The following KLHL31 variants were observed in gnomAD, a reference collection of about 807,000 sequenced individuals.
KLHL31 encodes the protein kelch like family member 31.
Under a neutral mutation model 47.1 loss-of-function variants are expected in KLHL31, and 32 were observed. The ratio of observed to expected loss-of-function variants is 0.68; its 90% CI spans 0.51 to 0.91. The LOEUF is 0.91. Ranked by LOEUF, KLHL31 falls within the 40% of genes least tolerant of loss-of-function variation. The pLI is 0.00. For missense variants in KLHL31, 797 were observed against 819.3 expected (o/e 0.97, Z 0.33); for synonymous variants, 330 against 325.1 (o/e 1.01, Z -0.16).
In KLHL31 at chr6:53,651,411, A is replaced by AAAAAAAAAAAAAAAAAAG; in HGVS notation, c.*186_*187insCTTTTTTTTTTTTTTTTT. ...CCCTGTATTTTGCTAAAAAAAAAAA[A>AAAAAAAAAAAAAAAAAAG]AAAAAAAAGAGGTAGATTATGCCAT... On this transcript the variant is annotated 3_prime_UTR_variant, in exon 3 of 3. Coordinates refer to ENST00000370905, the MANE Select transcript of KLHL31 (RefSeq NM_001003760.5). The AAAAAAAAAAAAAAAAAAG allele has an allele frequency of 3.5e-6, 1 of 286,158 alleles. No homozygotes were observed. Among genetic ancestry groups the AAAAAAAAAAAAAAAAAAG allele is most frequent in the Non-Finnish European group, 6.5e-6 (1 of 154,712 alleles). The allele number at this position is 286,158 out of a possible 1,614,324, so 17.7% of individuals were successfully genotyped here.
intron 1 of KLHL31, among the ~76,000 whole-genome samples, chr6:53,657,584 G>A (rs1408127692): frequency 1.3e-5 from 2 of 149,856 alleles, no homozygotes; most frequent in Non-Finnish European, 3.0e-5. Flanking sequence ...ATGTATTTAG[G>A]TGGTTTACAA....
At chr6:53,663,605 G>C (rs758018598) in intron 1 of KLHL31, among the ~76,000 whole-genome samples, 7 of 152,200 alleles carry the variant, frequency 4.6e-5, no homozygotes, top group Non-Finnish European at 1.0e-4. Flanking sequence ...GCTAGAGGCT[G>C]TGCCTAACTT....
In KLHL31 at chr6:53,665,640, A is replaced by C. The variant is rs1764707905; in HGVS notation, c.-73T>G. The C allele has an allele frequency of 6.6e-6, 1 of 152,242 alleles. No individual in the cohort carries two copies. The highest frequency in any genetic ancestry group is 1.5e-5 in the Non-Finnish European group (1 of 68,114). The allele number at this position is 152,242 out of a possible 1,614,324, so 9.4% of individuals were successfully genotyped here. A position where few individuals can be genotyped will look rare whatever the true frequency, so the allele number is the denominator to read the frequency against. On this transcript the variant is annotated 5_prime_UTR_variant, in exon 1 of 3. Coordinates refer to ENST00000370905, the MANE Select transcript of KLHL31 (RefSeq NM_001003760.5). ...GTGGCAGGTCAACTTGAGATGATGA[A>C]GTTTTAGCAGGAGACTCCTCTTGGG...
At chr6:53,661,342 G>A (rs543230495) in intron 1 of KLHL31, among the ~76,000 whole-genome samples, 2 of 152,112 alleles carry the variant, frequency 1.3e-5, no homozygotes, top group East Asian at 1.9e-4. Flanking sequence ...AAACTCTCCC[G>A]GCCTCTCACA....
intron 1 of KLHL31, among the ~76,000 whole-genome samples, chr6:53,664,244 T>A (rs1764687526): frequency 6.6e-6 from 1 of 152,218 alleles, no homozygotes; most frequent in African/African-American, 2.4e-5. Flanking sequence ...CCAGGCAGTG[T>A]TGAGGACATA....
At chr6:53,652,385 T>C (rs975926566) in intron 2 of KLHL31, 55 bp from the exon 3 acceptor site, 1 of 1,602,432 alleles carries the variant, frequency 6.2e-7, no homozygotes, top group Non-Finnish European at 8.5e-7. Flanking sequence ...GGGGACCCCA[T>C]GTTACTTTGC....
At chr6:53,653,370 G>C (rs1461965984) in intron 2 of KLHL31, among the ~76,000 whole-genome samples, 1 of 152,206 alleles carries the variant, frequency 6.6e-6, no homozygotes, top group African/African-American at 2.4e-5. Flanking sequence ...CAAATTTTCA[G>C]ATCTTGCTCA....
In KLHL31 at chr6:53,654,994, T is replaced by C; in HGVS notation, c.279A>G (p.Ser93=). ...SFDVHKSVMA[S]CSEYFYNILK... is the part of the protein sequence containing the mutation. ...GGATGTTGTAAAAATACTCACTGCA[T>C]GAAGCCATGACTGACTTATGAACAT... Residue 93 remains serine, a synonymous_variant, in exon 2 of 3, where the codon TCA becomes TCG. Coordinates refer to ENST00000370905, the MANE Select transcript of KLHL31 (RefSeq NM_001003760.5). 1.9e-6 allele frequency: 3 copies of C among 1,614,232 alleles called. No individual in the cohort carries two copies. Among genetic ancestry groups the C allele is most frequent in the Non-Finnish European group, 2.5e-6 (3 of 1,180,034 alleles).
In KLHL31 at chr6:53,657,198, C is replaced by T. The variant is rs551963410; in HGVS notation, c.-33-1893G>A. Among the ~76,000 whole-genome samples the T allele has an allele frequency of 1.2e-4, 18 of 152,178 alleles. No individual in the cohort carries two copies. The South Asian group carries it at 1.5e-3, about 12-fold the overall frequency. On this transcript the variant is annotated intron_variant, in intron 1 of 2. Coordinates refer to ENST00000370905, the MANE Select transcript of KLHL31 (RefSeq NM_001003760.5). ...AAGCAATCCACCTGTCTTGGCCTCC[C>T]AAAGTGCTAGGATTACAGGCATGAG...
intron 1 of KLHL31, among the ~76,000 whole-genome samples, chr6:53,665,173 G>C (rs1290611993): frequency 6.6e-6 from 1 of 151,866 alleles, no homozygotes; most frequent in Non-Finnish European, 1.5e-5. Context: ...AAACTGATCA[G>C]TAACAAATGT....
In KLHL31 at chr6:53,648,385, T is replaced by C. The variant is rs1764423037; in HGVS notation, c.*3213A>G. The stretch of plus-strand genomic sequence containing the variant: ...AACTAAGGGAAAAAAATTAATGAGG[T>C]GATTTTAGTTTATTTCGTCTCGTAA... On this transcript the variant is annotated 3_prime_UTR_variant, in exon 3 of 3. Coordinates refer to ENST00000370905, the MANE Select transcript of KLHL31 (RefSeq NM_001003760.5). 1 of 152,152 alleles carries C rather than the reference T, an allele frequency of 6.6e-6. No homozygotes were observed. The highest frequency in any genetic ancestry group is 2.1e-4 in the South Asian group (1 of 4,832). The allele number at this position is 152,152 out of a possible 1,614,324, so 9.4% of individuals were successfully genotyped here. A position where few individuals can be genotyped will look rare whatever the true frequency, so the allele number is the denominator to read the frequency against.
In KLHL31 at chr6:53,651,708, C is replaced by G. The variant is rs1233326010; in HGVS notation, c.1795G>C (p.Glu599Gln). 6.2e-7 allele frequency: 1 copy of G among 1,614,192 alleles called. No individual in the cohort carries two copies. The highest frequency in any genetic ancestry group is 8.5e-7 in the Non-Finnish European group (1 of 1,180,036). ...PELNEWTEDD[E>Q]LPEATVGVSC... The stretch of plus-strand genomic sequence containing the variant: ...ACGCCGACAGTGGCCTCGGGTAGCT[C>G]GTCGTCCTCCGTCCACTCGTTGAGC... Residue 599 changes from glutamate (E) to glutamine (Q), a missense_variant, in exon 3 of 3, where the codon GAG (glutamate) becomes CAG (glutamine). Transcript: ENST00000370905.
intron 1 of KLHL31, among the ~76,000 whole-genome samples, chr6:53,657,999 T>G (rs1764589999): frequency 6.6e-6 from 1 of 152,232 alleles, no homozygotes; most frequent in African/African-American, 2.4e-5. Flanking sequence ...ATGAACCCTC[T>G]ATCATTTTAA....
At chr6:53,663,330 A>G (rs899778548) in intron 1 of KLHL31, among the ~76,000 whole-genome samples, 3 of 152,236 alleles carry the variant, frequency 2.0e-5, no homozygotes, top group African/African-American at 7.2e-5. Flanking sequence ...GGTTCCAAAT[A>G]CTAGAATAAA....
chr6:53,650,565 T>C lies in KLHL31; in HGVS notation c.*1033A>G, dbSNP rs1764449241. ...CTACAAATTCCAAATGTTTCTATCATTCTTATCATATAAAAGATTGGGGCA... is the reference window on the plus strand; with the variant it reads ...CTACAAATTCCAAATGTTTCTATCACTCTTATCATATAAAAGATTGGGGCA... On this transcript the variant is annotated 3_prime_UTR_variant, in exon 3 of 3. Coordinates refer to ENST00000370905, the MANE Select transcript of KLHL31 (RefSeq NM_001003760.5). The C allele has an allele frequency of 6.6e-6, 1 of 152,226 alleles. No homozygotes were observed. The highest frequency in any genetic ancestry group is 6.5e-5 in the Admixed American group (1 of 15,282). 9.4% of individuals were successfully genotyped at this position (152,226 alleles called of 1,614,324 possible).
At chr6:53,664,828 G>A (rs1458154669) in intron 1 of KLHL31, among the ~76,000 whole-genome samples, 2 of 152,116 alleles carry the variant, frequency 1.3e-5, no homozygotes, top group Non-Finnish European at 2.9e-5. Flanking sequence ...CATTCCTATC[G>A]CTGCATCTGT....
rs944309793 is a variant in KLHL31 at position 53,650,665 on chromosome 6, T to C, written c.*933A>G. On this transcript the variant is annotated 3_prime_UTR_variant, in exon 3 of 3. Coordinates refer to ENST00000370905, the MANE Select transcript of KLHL31 (RefSeq NM_001003760.5). ...AGGCTAATGGTCCTTAGGGACATAG[T>C]TTTATTTGGTGATCTTCGCGGGGTG... 3 of 152,186 alleles carry C rather than the reference T, an allele frequency of 2.0e-5. No individual in the cohort carries two copies. Among genetic ancestry groups the C allele is most frequent in the Non-Finnish European group, 4.4e-5 (3 of 68,034 alleles). 9.4% of individuals were successfully genotyped at this position (152,186 alleles called of 1,614,324 possible). A position where few individuals can be genotyped will look rare whatever the true frequency, so the allele number is the denominator to read the frequency against.
Position 53,655,147 on chromosome 6 carries a change from G to A in KLHL31, c.126C>T (p.Gly42=). ...TTAGTTCAGAAGAAATGCAGCTAAG[G>A]CCATTGCCTCCCTCTAGGAGCCCAT... is the stretch of plus-strand genomic sequence containing the variant. ...ALNGLLEGGN[G]LSCISSELTD... is the part of the protein sequence containing the mutation. Residue 42 remains glycine (G), a synonymous_variant, in exon 2 of 3, where the codon GGC becomes GGT. Coordinates refer to ENST00000370905, the MANE Select transcript of KLHL31 (RefSeq NM_001003760.5). 1.2e-6 allele frequency: 2 copies of A among 1,614,134 alleles called. No homozygotes were observed. The highest frequency in any genetic ancestry group is 1.7e-6 in the Non-Finnish European group (2 of 1,180,004).
intron 2 of KLHL31, 137 bp downstream of exon 2, chr6:53,653,964 C>G (rs190276009): frequency 1.5e-6 from 1 of 668,114 alleles, no homozygotes; most frequent in South Asian, 2.1e-5. Flanking sequence ...GCTGAACATA[C>G]GTAAGGTGGC....
Sources: allele counts gnomAD v4.1 joint callset (sites outside exome capture counted in the v4.1 genomes callset), GRCh38; gene constraint gnomAD v4.1.1; transcripts MANE v1.5; gene names NCBI Gene and HGNC (gene_info 2026-07-23, HGNC 2026-07-21).